Variants in GABRA1 observed in about 807,000 individuals in gnomAD.
GABRA1 encodes the protein gamma-aminobutyric acid type A receptor subunit alpha1.
GABRA1 carries 9 observed loss-of-function variants against 48.9 expected under a neutral mutation model. That is an observed-to-expected ratio of 0.18 (90% confidence interval 0.11 to 0.32). The LOEUF (loss-of-function observed/expected upper bound fraction) is 0.32. Among genes scored for constraint, GABRA1 ranks in the 10% least tolerant of loss-of-function variants. GABRA1 has a pLI of 1.00. For synonymous variants in GABRA1, 210 were observed against 198.7 expected (o/e 1.06, Z -0.48); for missense variants, 285 against 553.8 (o/e 0.51, Z 4.87).
At chr5:161,858,296 C>A (rs1757728613) in intron 3 of GABRA1, among the ~76,000 whole-genome samples, 1 of 151,662 alleles carries the variant, frequency 6.6e-6, no homozygotes, top group Admixed American at 6.6e-5. Flanking sequence ...AATGCTCCTG[C>A]TGTACTGCAC....
intron 2 of GABRA1, among the ~76,000 whole-genome samples, chr5:161,851,831 G>A (rs753765747): frequency 6.6e-6 from 1 of 152,132 alleles, no homozygotes; most frequent in African/African-American, 2.4e-5. Flanking sequence ...TCCTTAATGA[G>A]AGAAGTTAAA....
chr5:161,894,663 T>C (rs527946450), intron 8 of GABRA1, among the ~76,000 whole-genome samples: 48 of 152,224 alleles, frequency 3.2e-4, no homozygotes, highest in Non-Finnish European at 6.0e-4. Flanking sequence ...GACTGTTTTT[T>C]TAACATTTTT....
intron 4 of GABRA1, among the ~76,000 whole-genome samples, 175 bp downstream of exon 4, chr5:161,865,963 T>C (rs757984209): frequency 1.3e-5 from 2 of 152,128 alleles, no homozygotes; most frequent in Non-Finnish European, 2.9e-5. Context: ...AGAAAAATAC[T>C]CATTTGCATT....
At chr5:161,853,425 C>A (rs1757527539) in intron 2 of GABRA1, among the ~76,000 whole-genome samples, 1 of 151,782 alleles carries the variant, frequency 6.6e-6, no homozygotes, top group Admixed American at 6.6e-5. Flanking sequence ...AATAGGTGTG[C>A]CTTCTTAAAC....
rs533633997 is a variant in GABRA1, at chr5:161,883,001, C to T, written c.703+300C>T. On this transcript the variant is annotated intron_variant, in intron 7 of 9. Coordinates refer to ENST00000393943, the MANE Select transcript of GABRA1 (RefSeq NM_001127644.2). ...TAGAGATGAACATCTGGGTTAAATC[C>T]TTATTCCCCAACCTTGTCAGTTGTT... Among the ~76,000 whole-genome samples, 7 of 152,280 alleles carry T rather than the reference C, an allele frequency of 4.6e-5. 1 individual carries two copies. In the South Asian group the frequency reaches 1.5e-3, roughly 32 times the overall value.
intron 7 of GABRA1, among the ~76,000 whole-genome samples, chr5:161,885,900 T>C (rs979023514): frequency 3.3e-5 from 5 of 152,178 alleles, no homozygotes; most frequent in African/African-American, 1.2e-4. Flanking sequence ...ATTTACTGTG[T>C]CTGACACGGT....
intron 5 of GABRA1, among the ~76,000 whole-genome samples, chr5:161,873,605 C>G (rs1754219441): frequency 6.6e-6 from 1 of 152,086 alleles, no homozygotes. Flanking sequence ...CTTCCTCTCC[C>G]TACTATAAAA....
At chr5:161,874,271 G>A (rs1754248732) in intron 5 of GABRA1, among the ~76,000 whole-genome samples, 1 of 151,948 alleles carries the variant, frequency 6.6e-6, no homozygotes, top group Non-Finnish European at 1.5e-5. Flanking sequence ...ACATCCAAAA[G>A]AAAAGAAAAG....
At chr5:161,893,226 C>T (rs1266472999) in intron 8 of GABRA1, among the ~76,000 whole-genome samples, 2 of 151,926 alleles carry the variant, frequency 1.3e-5, no homozygotes, top group South Asian at 2.1e-4. Context: ...AAACATTGCT[C>T]TTAACTTTTT....
intron 1 of GABRA1, chr5:161,850,347 C>A: frequency 3.0e-6 from 1 of 334,148 alleles, no homozygotes; most frequent in Admixed American, 4.5e-5. Context: ...TAACCTATCC[C>A]CTCCAATCCC....
intron 5 of GABRA1, 60 bp from the exon 6 acceptor site, chr5:161,875,500 T>C: frequency 7.7e-7 from 1 of 1,296,514 alleles, no homozygotes; most frequent in Non-Finnish European, 1.1e-6. Context: ...ATTCCACTTG[T>C]ACTTATCAAG....
At chr5:161,867,816 C>A (rs1236123868) in intron 4 of GABRA1, among the ~76,000 whole-genome samples, 1 of 152,034 alleles carries the variant, frequency 6.6e-6, no homozygotes, top group African/African-American at 2.4e-5. Flanking sequence ...TTTTTGTATT[C>A]TAATCACATG....
chr5:161,867,850 G>A (rs1049885974), intron 4 of GABRA1, among the ~76,000 whole-genome samples: 2 of 151,880 alleles, frequency 1.3e-5, no homozygotes, highest in African/African-American at 4.8e-5. Context: ...ATACCTTTTA[G>A]CTTTCGGCCA....
rs1425589198 is a variant in GABRA1 at position 161,866,741 on chromosome 5, CCT to C, written c.255+954_255+955del. Among the ~76,000 whole-genome samples the C allele has an allele frequency of 2.6e-5, 4 of 151,918 alleles. No homozygotes were observed. In the East Asian group the frequency reaches 7.7e-4, roughly 29 times the overall value. ...CCAAGACCTTTTTTGTCATTTGACC[CCT>C]GTTTATATTCTGTAGAACTAATATT... On this transcript the variant is annotated intron_variant, in intron 4 of 9. Transcript: ENST00000393943.
chr5:161,877,789 A>C (rs181379315), intron 6 of GABRA1, among the ~76,000 whole-genome samples: 1 of 152,240 alleles, frequency 6.6e-6, no homozygotes, highest in Admixed American at 6.5e-5. Flanking sequence ...GCTAAAGAAA[A>C]ATAAGTAAGC....
At chr5:161,853,143 C>G (rs1757516538) in intron 2 of GABRA1, among the ~76,000 whole-genome samples, 1 of 151,758 alleles carries the variant, frequency 6.6e-6, no homozygotes, top group Non-Finnish European at 1.5e-5. Context: ...AAACAATTCT[C>G]TCAAAGGATT....
chr5:161,889,867 C>T (rs537884928), intron 7 of GABRA1, among the ~76,000 whole-genome samples: 1 of 151,740 alleles, frequency 6.6e-6, no homozygotes, highest in African/African-American at 2.4e-5. Flanking sequence ...GTTGAGAAAG[C>T]CTAATGCTGC....
chr5:161,873,458 C>A, intron 5 of GABRA1, 121 bp downstream of exon 5: 1 of 827,608 alleles, frequency 1.2e-6, no homozygotes, highest in Non-Finnish European at 2.0e-6. Flanking sequence ...TCAACCTTAA[C>A]AATCTTAAAA....
chr5:161,882,405 T>C, intron 6 of GABRA1, 153 bp from the exon 7 acceptor site: 1 of 694,294 alleles, frequency 1.4e-6, no homozygotes, highest in Non-Finnish European at 2.4e-6. Context: ...AAACGTGTTT[T>C]AGTTTTTGTA....
Sources: allele counts gnomAD v4.1 joint callset (sites outside exome capture counted in the v4.1 genomes callset), GRCh38; gene constraint gnomAD v4.1.1; transcripts MANE v1.5; gene names NCBI Gene and HGNC (gene_info 2026-07-23, HGNC 2026-07-21).